CFAP54: variants seen among roughly 807,000 people sequenced by gnomAD.
CFAP54 encodes cilia- and flagella-associated protein 54.
Under a neutral mutation model 370.4 loss-of-function variants are expected in CFAP54, and 290 were observed. The observed-to-expected ratio is 0.78, with a 90% CI of 0.71 to 0.86. The LOEUF is 0.86. Among genes scored for constraint, CFAP54 ranks in the 40% least tolerant of loss-of-function variants. The probability of loss-of-function intolerance (pLI) is 0.00; values close to 1 mark genes in which losing one functional copy is unlikely to be tolerated. For missense variants in CFAP54, 3,399 were observed against 3,528.7 expected (o/e 0.96, Z 0.93); for synonymous variants, 1,206 against 1,236.5 (o/e 0.98, Z 0.52).
intron 50 of CFAP54, among the ~76,000 whole-genome samples, chr12:96,735,852 T>C (rs1957974606): frequency 6.6e-6 from 1 of 152,180 alleles, no homozygotes; most frequent in African/African-American, 2.4e-5. Context: ...ATATTAAACA[T>C]AACTGCTATT....
intron 65 of CFAP54, among the ~76,000 whole-genome samples, chr12:96,825,282 T>G (rs1959075388): frequency 8.1e-6 from 1 of 124,054 alleles, no homozygotes. Context: ...CATGTTATAT[T>G]ATATATAATA....
At chr12:96,581,205 TA>T in intron 22 of CFAP54, 100 bp downstream of exon 22, 2 of 809,622 alleles carry the variant, frequency 2.5e-6, no homozygotes, top group Non-Finnish European at 3.5e-6. Flanking sequence ...GCAGATATTC[TA>T]AAGCTCCTAT....
At chr12:96,620,735 G>A (rs1956478276) in intron 26 of CFAP54, among the ~76,000 whole-genome samples, 1 of 152,212 alleles carries the variant, frequency 6.6e-6, no homozygotes, top group African/African-American at 2.4e-5. Flanking sequence ...CAGAATATAT[G>A]CAAATCAGAT....
chr12:96,729,123 CAGGGGTCGGGGACCCACTTGAGG>C (rs1009908595), intron 50 of CFAP54, among the ~76,000 whole-genome samples: 147 of 152,278 alleles, frequency 9.7e-4, no homozygotes, highest in African/African-American at 3.3e-3. Flanking sequence ...GCTCGGGGGT[CAGGGGTCGGGGACCCACTTGAGG>C]AGGCAGTCTG....
At position 96,657,869 on chromosome 12, in the gene CFAP54, G is replaced by C. The variant is rs1189328897; in HGVS notation, c.5101-13G>C. On this transcript the variant is annotated splice_polypyrimidine_tract_variant and intron_variant, in intron 36 of 67. Transcript: ENST00000524981. ...GAAATTACACATTTTTTTTTTCACT[G>C]TGCTACTTGCAGCCTATTGAAGACA... 16 of 1,527,936 alleles carry C rather than the reference G, an allele frequency of 1.0e-5. No homozygotes were observed. The highest frequency in any genetic ancestry group is 1.4e-5 in the Non-Finnish European group (16 of 1,125,126). 94.6% of individuals were successfully genotyped at this position (1,527,936 alleles called of 1,614,324 possible).
rs1592782401 is a variant in CFAP54, at chr12:96,817,813, A to T, written c.8996A>T (p.Gln2999Leu). ...AIHEKLSNLAQIAELSLPAAP... is the reference protein window; with the variant it reads ...AIHEKLSNLALIAELSLPAAP... ...CATGAGAAATTATCTAATCTTGCTC[A>T]AATAGCTGAACTATCATTGCCAGCA... The change falls in exon 65 of 68, where the codon CAA (glutamine) becomes CTA (leucine). Residue 2999 changes from glutamine (Q) to leucine (L), a missense_variant. Physicochemically the swap from Gln to Leu is moderately radical, Grantham distance 113 (BLOSUM62 -2). Around this residue, in one of 3 missense-constraint regions of CFAP54, gnomAD observed 2,796 missense variants for 2,869.7 expected, o/e 0.97. Coordinates refer to ENST00000524981, the MANE Select transcript of CFAP54 (RefSeq NM_001306084.2). 4.0e-6 allele frequency: 6 copies of T among 1,507,908 alleles called. No individual in the cohort carries two copies. The East Asian group carries it at 1.5e-4, about 37-fold the overall frequency. 93.4% of individuals were successfully genotyped at this position (1,507,908 alleles called of 1,614,324 possible).
intron 13 of CFAP54, among the ~76,000 whole-genome samples, chr12:96,539,116 G>T (rs1382931863): frequency 7.5e-6 from 1 of 133,406 alleles, no homozygotes; most frequent in Non-Finnish European, 1.5e-5. Flanking sequence ...CTGTCACTCA[G>T]TCTGGAGTGC....
intron 38 of CFAP54, among the ~76,000 whole-genome samples, chr12:96,659,368 A>T (rs959986907): frequency 2.0e-5 from 3 of 152,124 alleles, no homozygotes; most frequent in African/African-American, 7.2e-5. Flanking sequence ...TGCTGACCTC[A>T]AGTGATCCTC....
At chr12:96,781,856 T>C (rs756446286) in intron 60 of CFAP54, among the ~76,000 whole-genome samples, 1 of 152,130 alleles carries the variant, frequency 6.6e-6, no homozygotes, top group Non-Finnish European at 1.5e-5. Context: ...ATAAGGAAAT[T>C]ATTTTAAGAG....
intron 66 of CFAP54, among the ~76,000 whole-genome samples, chr12:96,831,907 G>A (rs1389365932): frequency 6.6e-6 from 1 of 152,204 alleles, no homozygotes; most frequent in African/African-American, 2.4e-5. Flanking sequence ...TTATGGAAAT[G>A]TATAGACTTA....
chr12:96,872,052 A>T (rs1339629394), intron 67 of CFAP54, among the ~76,000 whole-genome samples: 1 of 152,258 alleles, frequency 6.6e-6, no homozygotes, highest in East Asian at 1.9e-4. Context: ...TTGATTTAAA[A>T]TATTAACCAC....
At chr12:96,669,461 T>C (rs533649089) in intron 39 of CFAP54, among the ~76,000 whole-genome samples, 1 of 152,252 alleles carries the variant, frequency 6.6e-6, no homozygotes, top group South Asian at 2.1e-4. Context: ...CTTTCTTGTG[T>C]CTTAAAGTAG....
intron 39 of CFAP54, among the ~76,000 whole-genome samples, chr12:96,667,483 C>T (rs1278665890): frequency 1.3e-5 from 2 of 152,216 alleles, no homozygotes; most frequent in African/African-American, 4.8e-5. Context: ...GCAGACTCAA[C>T]ACCATGTGGA....
intron 9 of CFAP54, among the ~76,000 whole-genome samples, chr12:96,531,061 A>G (rs1955436341): frequency 1.3e-5 from 2 of 152,158 alleles, no homozygotes; most frequent in African/African-American, 4.8e-5. Context: ...TATGTTCTGA[A>G]TACAAGTCCT....
intron 26 of CFAP54, among the ~76,000 whole-genome samples, chr12:96,601,813 C>G (rs1050776722): frequency 6.6e-6 from 1 of 152,154 alleles, no homozygotes; most frequent in African/African-American, 2.4e-5. Flanking sequence ...TCCCCTTTAT[C>G]ATTTTTTATT....
chr12:96,682,125 A>ATTG (rs1957280479), intron 40 of CFAP54: 1 of 952,096 alleles, frequency 1.1e-6, no homozygotes, highest in Admixed American at 6.2e-5. Context: ...TATTATTATT[A>ATTG]TTTTTCATGA....
At chr12:96,824,650 G>T (rs1959066570) in intron 65 of CFAP54, among the ~76,000 whole-genome samples, 1 of 152,126 alleles carries the variant, frequency 6.6e-6, no homozygotes. Context: ...CCTGACTAGT[G>T]CTGGGTAGTC....
chr12:96,697,694 T>A (rs1957451597), intron 45 of CFAP54, among the ~76,000 whole-genome samples: 1 of 152,136 alleles, frequency 6.6e-6, no homozygotes, highest in Non-Finnish European at 1.5e-5. Flanking sequence ...ATGTTATGTA[T>A]TTACATGTTA....
At position 96,693,787 on chromosome 12, in the gene CFAP54, T is replaced by C; in HGVS notation, c.6330T>C (p.Asn2110=). The C allele has an allele frequency of 1.9e-6, 3 of 1,591,972 alleles. No individual in the cohort carries two copies. The highest frequency in any genetic ancestry group is 2.6e-6 in the Non-Finnish European group (3 of 1,161,564). ...VSGICQDITR[N]LEARILKIEV... ...GAATTTGTCAAGACATAACAAGAAA[T>C]CTAGAAGCAAGAATCCTCAAGGTAT... The change falls in exon 45 of 68, where the codon AAT becomes AAC. Residue 2110 remains asparagine, a synonymous_variant. Coordinates refer to ENST00000524981, the MANE Select transcript of CFAP54 (RefSeq NM_001306084.2).
Sources: allele counts gnomAD v4.1 joint callset (sites outside exome capture counted in the v4.1 genomes callset), GRCh38; gene constraint gnomAD v4.1.1; regional missense constraint gnomAD v4.1.1; transcripts MANE v1.5; gene names NCBI Gene and HGNC (gene_info 2026-07-23, HGNC 2026-07-21).